Variants in TMEM255B observed in about 807,000 individuals in gnomAD.
TMEM255B encodes the protein family with sequence similarity 70, member B.
TMEM255B carries 35 observed loss-of-function variants against 34.5 expected under a neutral mutation model. The ratio of observed to expected loss-of-function variants is 1.01; its 90% CI spans 0.77 to 1.34. The LOEUF (loss-of-function observed/expected upper bound fraction) is 1.34. Among genes scored for constraint, TMEM255B ranks in the 40% most tolerant of loss-of-function variants. The pLI is 0.00. For synonymous variants in TMEM255B, 206 were observed against 201.2 expected (o/e 1.02, Z -0.20); for missense variants, 432 against 433.2 (o/e 1.00, Z 0.02).
At position 113,806,609 on chromosome 13, in the gene TMEM255B, C is replaced by T. The variant is rs993079816; in HGVS notation, c.813+1581C>T. ...GTCAGATGGCGGGAGCTTTTGCCAG[C>T]GACCCTGCAGTGGTCACTCCTGCAG... is the stretch of plus-strand genomic sequence containing the variant. On this transcript the variant is annotated intron_variant, in intron 8 of 8. Coordinates refer to ENST00000375353, the MANE Select transcript of TMEM255B (RefSeq NM_182614.4). The surrounding 1 kb of genome is among the most constrained non-coding windows in gnomAD (Gnocchi z 4.2). Among the ~76,000 whole-genome samples the T allele has an allele frequency of 6.6e-6, 1 of 152,174 alleles. No homozygotes were observed. Among genetic ancestry groups the T allele is most frequent in the Non-Finnish European group, 1.5e-5 (1 of 68,012 alleles).
At chr13:113,787,478 T>C (rs2050763768) in intron 3 of TMEM255B, among the ~76,000 whole-genome samples, 1 of 152,126 alleles carries the variant, frequency 6.6e-6, no homozygotes, top group African/African-American at 2.4e-5. Flanking sequence ...ATAGGTGAAA[T>C]GAGCAGGTCA....
In TMEM255B at chr13:113,770,695, G is replaced by A. The variant is rs529058395; in HGVS notation, c.252+1535G>A. 6.6e-5 allele frequency among the ~76,000 whole-genome samples: 10 copies of A among 152,238 alleles called. No homozygotes were observed. The highest frequency in any genetic ancestry group is 4.1e-4 in the South Asian group (2 of 4,824). On this transcript the variant is annotated intron_variant, in intron 3 of 8. Coordinates refer to ENST00000375353, the MANE Select transcript of TMEM255B (RefSeq NM_182614.4). The surrounding 1 kb of genome is among the most constrained non-coding windows in gnomAD (Gnocchi z 4.6). ...CTGTTGTTGGCTCCCGAGGGTGGGC[G>A]TCACAGCTGACCAGGGTGGGCAAAG... is the stretch of plus-strand genomic sequence containing the variant.
In TMEM255B at chr13:113,812,942, C is replaced by CAGGTCCT. The variant is rs200157233; in HGVS notation, c.*1039_*1040insAGGTCCT. 2.8e-5 allele frequency: 4 copies of CAGGTCCT among 142,858 alleles called. No homozygotes were observed. The highest frequency in any genetic ancestry group is 1.4e-4 in the Admixed American group (2 of 14,048). The allele number at this position is 142,858 out of a possible 1,614,324, so 8.8% of individuals were successfully genotyped here. On this transcript the variant is annotated 3_prime_UTR_variant, in exon 9 of 9. Transcript: ENST00000375353. ...TGAGTCACGGGTCCCGGGTGGGTCA[C>CAGGTCCT]GGGTCCCGGGTGGGTCACGGGCCCC...
rs138497687 is a variant in TMEM255B, at chr13:113,781,041, A to C, written c.252+11881A>C. The stretch of plus-strand genomic sequence containing the variant: ...TGGCAATGCTTCCTGTATAATTTTT[A>C]TACCAAATAAGCCGAATTTCACCTT... On this transcript the variant is annotated intron_variant, in intron 3 of 8. Coordinates refer to ENST00000375353, the MANE Select transcript of TMEM255B (RefSeq NM_182614.4). Among the ~76,000 whole-genome samples, 66 of 152,360 alleles carry C rather than the reference A, an allele frequency of 4.3e-4. No individual in the cohort carries two copies. The East Asian group carries it at 0.011, about 26-fold the overall frequency.
chr13:113,785,324 G>A (rs2050724413), intron 3 of TMEM255B, among the ~76,000 whole-genome samples: 1 of 152,240 alleles, frequency 6.6e-6, no homozygotes, highest in African/African-American at 2.4e-5. Context: ...TTTGCCTTCT[G>A]ATTTCCACCT....
intron 7 of TMEM255B, 72 bp from the exon 8 acceptor site, chr13:113,804,813 T>C: frequency 1.4e-6 from 2 of 1,414,572 alleles, no homozygotes; most frequent in South Asian, 2.7e-5. Context: ...TGCTGGGCTT[T>C]CTAGGAAGGC....
intron 1 of TMEM255B, chr13:113,761,292 G>C: frequency 1.0e-6 from 1 of 985,272 alleles, no homozygotes; most frequent in South Asian, 4.7e-5. Context: ...GTGGAGTAGA[G>C]GAAATGGGTC....
At chr13:113,786,488 GTCACCATCATCACCA>G (rs2050744373) in intron 3 of TMEM255B, among the ~76,000 whole-genome samples, 3 of 149,266 alleles carry the variant, frequency 2.0e-5, no homozygotes, top group Non-Finnish European at 3.0e-5. Flanking sequence ...CATCACTGTT[GTCACCATCATCACCA>G]TCACCATCAT....
At chr13:113,763,835 G>A (rs1297599434) in intron 1 of TMEM255B, among the ~76,000 whole-genome samples, 1 of 152,222 alleles carries the variant, frequency 6.6e-6, no homozygotes, top group Non-Finnish European at 1.5e-5. Flanking sequence ...TCCAACGAGG[G>A]TTGGCTTTTA....
At chr13:113,795,126 C>T (rs760404883) in intron 3 of TMEM255B, 22 bp from the exon 4 acceptor site, 1 of 1,612,584 alleles carries the variant, frequency 6.2e-7, no homozygotes, top group Non-Finnish European at 8.5e-7. Context: ...GCTGGGCACC[C>T]ACACCTCTCC....
intron 1 of TMEM255B, among the ~76,000 whole-genome samples, chr13:113,763,473 G>A (rs188355239): frequency 1.2e-4 from 18 of 152,142 alleles, no homozygotes; most frequent in African/African-American, 4.3e-4. Context: ...TGTCGCCATC[G>A]CTCCTGTCTC....
intron 1 of TMEM255B, among the ~76,000 whole-genome samples, chr13:113,765,194 A>G (rs2050369382): frequency 6.6e-6 from 1 of 152,222 alleles, no homozygotes; most frequent in Non-Finnish European, 1.5e-5. Flanking sequence ...GGCCGTGACC[A>G]AGGCCACGCC....
chr13:113,786,499 C>T (rs1396087897), intron 3 of TMEM255B, among the ~76,000 whole-genome samples: 2 of 148,558 alleles, frequency 1.3e-5, no homozygotes, highest in African/African-American at 4.9e-5. Context: ...TCACCATCAT[C>T]ACCATCACCA....
At chr13:113,773,398 C>T (rs1238801812) in intron 3 of TMEM255B, among the ~76,000 whole-genome samples, 1 of 152,176 alleles carries the variant, frequency 6.6e-6, no homozygotes, top group Non-Finnish European at 1.5e-5. Context: ...TTTGCTTCTT[C>T]CTTTACAATC....
Position 113,812,130 on chromosome 13 carries a change from C to A in TMEM255B, c.*227C>A. The A allele has an allele frequency of 1.7e-6, 1 of 572,930 alleles. No individual in the cohort carries two copies. The allele number at this position is 572,930 out of a possible 1,614,324, so 35.5% of individuals were successfully genotyped here. A position where few individuals can be genotyped will look rare whatever the true frequency, so the allele number is the denominator to read the frequency against. On this transcript the variant is annotated 3_prime_UTR_variant, in exon 9 of 9. Transcript: ENST00000375353. ...GACACCTTGGCTTGGGCTCTGCTCA[C>A]ATCAAATGGCGCTGAAAGTTCCCAC...
At chr13:113,766,016 C>T in intron 1 of TMEM255B, 99 bp from the exon 2 acceptor site, 1 of 1,530,968 alleles carries the variant, frequency 6.5e-7, no homozygotes. Context: ...TAGTGCATCC[C>T]AGGACCCCTG....
chr13:113,784,380 T>C (rs985680624), intron 3 of TMEM255B, among the ~76,000 whole-genome samples: 4 of 152,096 alleles, frequency 2.6e-5, no homozygotes, highest in African/African-American at 9.7e-5. Context: ...CAGATCTGAC[T>C]TTCCTGGGTA....
rs755944699 is a variant in TMEM255B, at chr13:113,811,789, C to T, written c.867C>T (p.Asp289=). 6.2e-7 allele frequency: 1 copy of T among 1,613,920 alleles called. No individual in the cohort carries two copies. The highest frequency in any genetic ancestry group is 2.2e-5 in the East Asian group (1 of 44,882). ...APSSALASSE[D]LQPPSPSSSG... is the part of the protein sequence containing the mutation. ...CCTCTGCCCTGGCTTCGTCTGAGGA[C>T]CTGCAGCCCCCTTCTCCAAGCAGCT... is the stretch of plus-strand genomic sequence containing the variant. Residue 289 remains aspartate, a synonymous_variant, in exon 9 of 9, where the codon GAC becomes GAT. Coordinates refer to ENST00000375353, the MANE Select transcript of TMEM255B (RefSeq NM_182614.4).
intron 5 of TMEM255B, chr13:113,799,852 G>GGCC: frequency 1.3e-6 from 1 of 759,816 alleles, no homozygotes; most frequent in Non-Finnish European, 2.1e-6. Context: ...ACCCGCGGGC[G>GGCC]GCCGCCGCCT....
Sources: gnomAD v4.1 joint callset for allele counts (sites outside exome capture counted in the v4.1 genomes callset) on GRCh38, gnomAD v4.1.1 for gene constraint, Gnocchi (gnomAD v3.1) non-coding constraint, MANE v1.5 for transcripts, NCBI Gene and HGNC (gene_info 2026-07-23, HGNC 2026-07-21) for gene names.